BAZ2B: variants seen among roughly 807,000 people sequenced by gnomAD.
BAZ2B encodes the protein bromodomain adjacent to zinc finger domain protein 2B.
Under a neutral mutation model 246.0 loss-of-function variants are expected in BAZ2B, and 91 were observed. That is an observed-to-expected ratio of 0.37 (90% CI 0.31 to 0.44). The LOEUF (loss-of-function observed/expected upper bound fraction) is 0.44, where lower values mean the gene tolerates loss of function less well. Ranked by LOEUF, BAZ2B falls within the 20% of genes least tolerant of loss-of-function variation. BAZ2B has a pLI of 1.00. For missense variants in BAZ2B, 2,332 were observed against 2,533.7 expected, an observed-to-expected ratio of 0.92 and a Z score of 1.71; for synonymous variants, 855 against 860.0, an observed-to-expected ratio of 0.99 and a Z score of 0.10.
intron 34 of BAZ2B, among the ~76,000 whole-genome samples, chr2:159,328,498 G>C (rs2064119871): frequency 6.6e-6 from 1 of 152,146 alleles, no homozygotes; most frequent in Non-Finnish European, 1.5e-5. Flanking sequence ...TATTTGGGAG[G>C]ACATAAAAAT....
At chr2:159,672,758 G>C in the BAZ2B span, among the ~76,000 whole-genome samples, 1 of 152,160 alleles carries the variant, frequency 6.6e-6, no homozygotes, top group African/African-American at 2.4e-5. Context: ...CAGAAGACTA[G>C]AGGAAAAATG....
At chr2:159,332,828 T>C (rs2065005457) in intron 33 of BAZ2B, 142 bp from the exon 34 acceptor site, 1 of 952,412 alleles carries the variant, frequency 1.0e-6, no homozygotes, top group Non-Finnish European at 1.5e-6. Context: ...CATACACATC[T>C]ATGTATCTTT....
chr2:159,593,817 G>T (rs561050536), intron 1 of BAZ2B, among the ~76,000 whole-genome samples: 1 of 152,196 alleles, frequency 6.6e-6, no homozygotes, highest in African/African-American at 2.4e-5. Context: ...GTATCTCCTC[G>T]GGGACAAGGC....
the BAZ2B span, among the ~76,000 whole-genome samples, chr2:159,669,793 G>A: frequency 1.3e-5 from 2 of 152,116 alleles, no homozygotes; most frequent in Admixed American, 1.3e-4. Flanking sequence ...TAAATCTCTT[G>A]TAGGAAGTAT....
chr2:159,657,221 G>A, the BAZ2B span, among the ~76,000 whole-genome samples: 1 of 152,080 alleles, frequency 6.6e-6, no homozygotes, highest in Non-Finnish European at 1.5e-5. Flanking sequence ...TCCAGTTCCA[G>A]AACCATTTAT....
chr2:159,695,718 A>C, the BAZ2B span, among the ~76,000 whole-genome samples: 1 of 152,032 alleles, frequency 6.6e-6, no homozygotes, highest in Non-Finnish European at 1.5e-5. Flanking sequence ...ATAAAGTCTC[A>C]GTTCTATTCC....
chr2:159,349,047 T>C lies in BAZ2B; in HGVS notation c.5097A>G (p.Ala1699=), dbSNP rs1233949035. 1 of 1,614,176 alleles carries C rather than the reference T, an allele frequency of 6.2e-7. No homozygotes were observed. The highest frequency in any genetic ancestry group is 8.5e-7 in the Non-Finnish European group (1 of 1,180,000). The part of the protein sequence containing the change: ...TSAQPAAVEV[A]KPVDFPSPKP... ...TTGGACTAGGAAAATCTACTGGTTT[T>C]GCTACTTCAACAGCTGCAGGTTGAG... Residue 1699 remains alanine, a synonymous_variant, in exon 29 of 37, where the codon GCA becomes GCG. Coordinates refer to ENST00000392783, the MANE Select transcript of BAZ2B (RefSeq NM_013450.4).
chr2:159,496,210 C>T (rs913519645), intron 2 of BAZ2B, among the ~76,000 whole-genome samples: 1 of 148,746 alleles, frequency 6.7e-6, no homozygotes, highest in East Asian at 2.1e-4. Flanking sequence ...CCCATCTCTA[C>T]TAAAAAATAC....
chr2:159,544,778 T>C (rs2087102033), intron 2 of BAZ2B, among the ~76,000 whole-genome samples: 1 of 152,130 alleles, frequency 6.6e-6, no homozygotes, highest in South Asian at 2.1e-4. Context: ...AAAGGAAATA[T>C]GTGGAAAAAA....
chr2:159,489,971 C>T (rs556240772), intron 2 of BAZ2B, among the ~76,000 whole-genome samples: 2 of 152,126 alleles, frequency 1.3e-5, no homozygotes, highest in Admixed American at 6.5e-5. Context: ...TTCAACTATA[C>T]AGCTTCCATC....
intron 1 of BAZ2B, among the ~76,000 whole-genome samples, chr2:159,559,240 TA>T (rs200773609): frequency 6.7e-4 from 96 of 143,796 alleles, no homozygotes; most frequent in Admixed American, 9.7e-4. Context: ...GTAACCCTGT[TA>T]AAAAAAAAAA....
chr2:159,682,129 A>G, the BAZ2B span, among the ~76,000 whole-genome samples: 2 of 151,288 alleles, frequency 1.3e-5, no homozygotes, highest in Non-Finnish European at 2.9e-5. Flanking sequence ...GGGCCAGGGT[A>G]ATAAATATCC....
chr2:159,405,562 A>C (rs1003757103), intron 14 of BAZ2B, among the ~76,000 whole-genome samples: 1 of 152,194 alleles, frequency 6.6e-6, no homozygotes, highest in Non-Finnish European at 1.5e-5. Flanking sequence ...TACCAAGTAG[A>C]AGAGTGGTGT....
chr2:159,576,515 CA>C (rs1302051332), intron 1 of BAZ2B, among the ~76,000 whole-genome samples: 2 of 141,812 alleles, frequency 1.4e-5, no homozygotes, highest in Non-Finnish European at 3.0e-5. Context: ...ATGCACCAAT[CA>C]GATTATCAAA....
chr2:159,573,227 A>G (rs1156453382), intron 1 of BAZ2B, among the ~76,000 whole-genome samples: 2 of 152,194 alleles, frequency 1.3e-5, no homozygotes, highest in Non-Finnish European at 2.9e-5. Context: ...AAGGAAGAAT[A>G]AAGTTGGAAG....
At chr2:159,593,705 C>T (rs1025504002) in intron 1 of BAZ2B, among the ~76,000 whole-genome samples, 12 of 152,170 alleles carry the variant, frequency 7.9e-5, no homozygotes, top group Non-Finnish European at 1.5e-5. Flanking sequence ...ACTCTATAAA[C>T]GCTACCTGCC....
At chr2:159,548,300 T>C (rs2087661619) in intron 2 of BAZ2B, among the ~76,000 whole-genome samples, 2 of 152,236 alleles carry the variant, frequency 1.3e-5, no homozygotes, top group African/African-American at 4.8e-5. Flanking sequence ...ACTGTTATTA[T>C]ATTTTACTAA....
At position 159,320,271 on chromosome 2, in the gene BAZ2B, C is replaced by T; in HGVS notation, c.6501G>A (p.Val2167=). 6.5e-7 allele frequency: 1 copy of T among 1,544,622 alleles called. No individual in the cohort carries two copies. Residue 2167 remains valine, a synonymous_variant, in exon 37 of 37, where the codon GTG becomes GTA. Transcript: ENST00000392783. The stretch of plus-strand genomic sequence containing the variant: ...TAAAGAGATTATTATAACTTCAGCT[C>T]ACTTTGAAAGTATCTGTCCACTTTT... ...FEKKWTDTFK[V]S is the part of the protein sequence containing the mutation.
At chr2:159,528,961 TGGG>T (rs1370705865) in intron 2 of BAZ2B, among the ~76,000 whole-genome samples, 1 of 22,516 alleles carries the variant, frequency 4.4e-5, no homozygotes, top group Non-Finnish European at 8.4e-5. Flanking sequence ...GGGCCTGTTG[TGGG>T]GGGGTGGGGG....
Sources: allele counts gnomAD v4.1 joint callset (sites outside exome capture counted in the v4.1 genomes callset), GRCh38; gene constraint gnomAD v4.1.1; transcripts MANE v1.5; gene names NCBI Gene and HGNC (gene_info 2026-07-23, HGNC 2026-07-21).